Variants in ZNF831 observed in about 807,000 individuals in gnomAD.
ZNF831 encodes chromosome 20 open reading frame 174.
Under a neutral mutation model 95.8 loss-of-function variants are expected in ZNF831, and 59 were observed. That is an observed-to-expected ratio of 0.62 (90% CI 0.50 to 0.77). The LOEUF (loss-of-function observed/expected upper bound fraction) is 0.77. Ranked by LOEUF, ZNF831 falls within the 30% of genes least tolerant of loss-of-function variation. The probability of loss-of-function intolerance (pLI) is 0.00; values close to 1 mark genes in which losing one functional copy is unlikely to be tolerated. For missense variants in ZNF831, 2,205 were observed against 2,164.0 expected, an observed-to-expected ratio of 1.02 and a Z score of -0.38; for synonymous variants, 961 against 925.5, an observed-to-expected ratio of 1.04 and a Z score of -0.70.
In ZNF831 at chr20:59,192,315, C is replaced by A; in HGVS notation, c.1296C>A (p.Thr432=). The A allele has an allele frequency of 6.3e-7, 1 of 1,594,716 alleles. No homozygotes were observed. Among genetic ancestry groups the A allele is most frequent in the Non-Finnish European group, 8.5e-7 (1 of 1,170,334 alleles). ...TGGACAACGTGCGGCCCCGGAAGAC[C>A]GGGCTGTCCAAACAGGGCAGCATCG... is the stretch of plus-strand genomic sequence containing the variant. ...AQLDNVRPRK[T]GLSKQGSIDL... The change falls in exon 2 of 6, where the codon ACC becomes ACA. Residue 432 remains threonine (T), a synonymous_variant. Coordinates refer to ENST00000371030, the MANE Select transcript of ZNF831 (RefSeq NM_178457.3). This position sits in a 1 kb window ranked among gnomAD's most constrained non-coding sequence, Gnocchi z 5.2.
chr20:59,215,634 AC>A (rs1387029411), intron 4 of ZNF831, among the ~76,000 whole-genome samples: 2 of 152,212 alleles, frequency 1.3e-5, no homozygotes, highest in Non-Finnish European at 2.9e-5. Context: ...GCCCAGAGGC[AC>A]CCAGATGATT....
chr20:59,214,709 A>G (rs993485581), intron 4 of ZNF831, among the ~76,000 whole-genome samples: 2 of 152,238 alleles, frequency 1.3e-5, no homozygotes, highest in Non-Finnish European at 2.9e-5. Flanking sequence ...ACACATCCAT[A>G]TGAAGGGTGA....
At chr20:59,190,439 G>GT (rs1009076894) in intron 1 of ZNF831, among the ~76,000 whole-genome samples, 39 of 152,120 alleles carry the variant, frequency 2.6e-4, no homozygotes, top group African/African-American at 9.7e-5. Context: ...CCTTGCGTCA[G>GT]TTTTTTTTCT....
In ZNF831 at chr20:59,258,182, A is replaced by G. The variant is rs1988267351; in HGVS notation, c.*3439A>G. On this transcript the variant is annotated 3_prime_UTR_variant, in exon 6 of 6. Transcript: ENST00000371030. Reference sequence around the variant, plus strand: ...GGTTCATTTGCCAAGTGATTAAAAAAAAAGATGGAGGAGGGTGTCTCTGAA... The same window carrying G: ...GGTTCATTTGCCAAGTGATTAAAAAGAAAGATGGAGGAGGGTGTCTCTGAA... 6.6e-6 allele frequency: 1 copy of G among 152,190 alleles called. No homozygotes were observed. Among genetic ancestry groups the G allele is most frequent in the Non-Finnish European group, 1.5e-5 (1 of 68,038 alleles). 9.4% of individuals were successfully genotyped at this position (152,190 alleles called of 1,614,324 possible). A position where few individuals can be genotyped will look rare whatever the true frequency, so the allele number is the denominator to read the frequency against.
At chr20:59,127,191 C>T (rs1246749911) in intron 1 of ZNF831, among the ~76,000 whole-genome samples, 3 of 152,202 alleles carry the variant, frequency 2.0e-5, no homozygotes, top group African/African-American at 4.8e-5. Flanking sequence ...CTTGGGCCTG[C>T]CTTTGAAGCA....
At chr20:59,157,499 A>C (rs1468975156) in intron 2 of ZNF831, among the ~76,000 whole-genome samples, 1 of 152,184 alleles carries the variant, frequency 6.6e-6, no homozygotes, top group Non-Finnish European at 1.5e-5. Context: ...ACTTACAGTG[A>C]GAACATACTC....
intron 1 of ZNF831, among the ~76,000 whole-genome samples, chr20:59,177,294 C>T (rs1416198772): frequency 6.6e-6 from 1 of 152,144 alleles, no homozygotes. Flanking sequence ...GATGAGGAAA[C>T]AAAAGCCCAG....
intron 1 of ZNF831, among the ~76,000 whole-genome samples, chr20:59,168,388 T>C (rs1981452131): frequency 6.6e-6 from 1 of 151,980 alleles, no homozygotes; most frequent in African/African-American, 2.4e-5. Flanking sequence ...TATAGAAATG[T>C]AATTGACTTT....
At chr20:59,238,935 T>C (rs944525147) in intron 4 of ZNF831, among the ~76,000 whole-genome samples, 2 of 151,888 alleles carry the variant, frequency 1.3e-5, no homozygotes, top group Non-Finnish European at 2.9e-5. Flanking sequence ...GCAAGGAAAA[T>C]GGTAGCTGTG....
In ZNF831 at chr20:59,189,027, A is replaced by C. The variant is rs369462466; in HGVS notation, c.-36-1957A>C. On this transcript the variant is annotated intron_variant, in intron 1 of 5. Coordinates refer to ENST00000371030, the MANE Select transcript of ZNF831 (RefSeq NM_178457.3). ...GAAACCTGGTCTCTACTAAAAATACAAAAATTAGCTGGGCATGGTGGCGCA... is the reference window on the plus strand; with the variant it reads ...GAAACCTGGTCTCTACTAAAAATACCAAAATTAGCTGGGCATGGTGGCGCA... 2.0e-5 allele frequency among the ~76,000 whole-genome samples: 3 copies of C among 151,976 alleles called. No individual in the cohort carries two copies. In the East Asian group the frequency reaches 5.8e-4, roughly 29 times the overall value.
At chr20:59,180,936 T>C (rs259978) in intron 1 of ZNF831, among the ~76,000 whole-genome samples, 14,414 of 152,250 alleles carry the variant, frequency 0.095, 1,526 homozygotes, top group African/African-American at 0.26. Flanking sequence ...TCCAGATCCT[T>C]GAGGAATCGC....
In ZNF831 at chr20:59,193,548, C is replaced by G. The variant is rs2146585270; in HGVS notation, c.2529C>G (p.Thr843=). Residue 843 remains threonine, a synonymous_variant, in exon 2 of 6, where the codon ACC becomes ACG. Transcript: ENST00000371030. ...WKQPEPVSAE[T]PGGPTQPASL... ...AACCAGAGCCTGTGAGCGCAGAGAC[C>G]CCAGGTGGGCCCACGCAGCCTGCCT... 6.2e-7 allele frequency: 1 copy of G among 1,605,002 alleles called. No homozygotes were observed. The highest frequency in any genetic ancestry group is 1.3e-5 in the African/African-American group (1 of 74,888).
chr20:59,233,139 C>A (rs962185690), intron 4 of ZNF831, among the ~76,000 whole-genome samples: 9 of 152,034 alleles, frequency 5.9e-5, no homozygotes, highest in African/African-American at 2.2e-4. Flanking sequence ...TTAAACCCAG[C>A]AACTGGCTCT....
intron 1 of ZNF831, among the ~76,000 whole-genome samples, chr20:59,180,525 C>A (rs112240332): frequency 5.3e-5 from 8 of 152,212 alleles, no homozygotes; most frequent in Middle Eastern, 6.8e-3. Context: ...CCCCTTCCCC[C>A]CCGGCAACCC....
intron 1 of ZNF831, among the ~76,000 whole-genome samples, chr20:59,186,680 A>G (rs534458697): frequency 6.6e-6 from 1 of 152,324 alleles, no homozygotes; most frequent in African/African-American, 2.4e-5. Context: ...GTAAGCCTTT[A>G]TCTTCCATTC....
At chr20:59,239,702 G>A (rs1168329418) in intron 4 of ZNF831, among the ~76,000 whole-genome samples, 3 of 151,876 alleles carry the variant, frequency 2.0e-5, no homozygotes, top group African/African-American at 4.8e-5. Flanking sequence ...GCGCCACCAC[G>A]CCTGGCTAGT....
At position 59,254,753 on chromosome 20, in the gene ZNF831, A is replaced by G. The variant is rs2146774686; in HGVS notation, c.*10A>G. 6.4e-7 allele frequency: 1 copy of G among 1,553,342 alleles called. No individual in the cohort carries two copies. Among genetic ancestry groups the G allele is most frequent in the Non-Finnish European group, 8.7e-7 (1 of 1,154,718 alleles). The stretch of plus-strand genomic sequence containing the variant: ...AGTTATAGAAATATGAAGCTTCCAG[A>G]GAAACATGGTGTCTGGTCAAAAAGA... On this transcript the variant is annotated 3_prime_UTR_variant, in exon 6 of 6. Transcript: ENST00000371030. The surrounding 1 kb of genome is among the most constrained non-coding windows in gnomAD (Gnocchi z 4.5).
At chr20:59,159,455 A>C (rs1686038653), upstream of ZNF831, among the ~76,000 whole-genome samples, 1 of 152,202 alleles carries the variant, frequency 6.6e-6, no homozygotes, top group African/African-American at 2.4e-5. Flanking sequence ...CCTTAAATAA[A>C]AACATCGCTG....
chr20:59,238,247 G>T (rs1448200670), intron 4 of ZNF831, among the ~76,000 whole-genome samples: 2 of 152,134 alleles, frequency 1.3e-5, no homozygotes, highest in Admixed American at 6.5e-5. Flanking sequence ...TCGGCCTGGG[G>T]CCTTTCTCAC....
Sources: allele counts gnomAD v4.1 joint callset (sites outside exome capture counted in the v4.1 genomes callset), GRCh38; gene constraint gnomAD v4.1.1; non-coding constraint Gnocchi (gnomAD v3.1); transcripts MANE v1.5; gene names NCBI Gene and HGNC (gene_info 2026-07-23, HGNC 2026-07-21).